PLXNA1: variants seen among roughly 807,000 people sequenced by gnomAD.
PLXNA1 encodes the protein plexin A1, also known as plexin-A1.
PLXNA1 carries 77 observed loss-of-function variants against 191.7 expected under a neutral mutation model. The ratio of observed to expected loss-of-function variants is 0.40; its 90% CI spans 0.33 to 0.49. The LOEUF (loss-of-function observed/expected upper bound fraction) is 0.49, where lower values mean the gene tolerates loss of function less well. Ranked by LOEUF, PLXNA1 falls within the 20% of genes least tolerant of loss-of-function variation. The pLI is 0.63. For missense variants in PLXNA1, 2,110 were observed against 2,660.2 expected (o/e 0.79, Z 4.55); for synonymous variants, 1,137 against 1,156.4 (o/e 0.98, Z 0.34).
chr3:127,033,309 G>A (rs1015114141), intron 31 of PLXNA1, among the ~76,000 whole-genome samples: 5 of 152,220 alleles, frequency 3.3e-5, no homozygotes, highest in African/African-American at 4.8e-5. Flanking sequence ...CTCCTGGGCC[G>A]CACAGGATGG....
intron 3 of PLXNA1, among the ~76,000 whole-genome samples, chr3:126,995,325 C>T (rs2079010098): frequency 6.6e-6 from 1 of 152,212 alleles, no homozygotes; most frequent in South Asian, 2.1e-4. Context: ...CCTCTGGGGA[C>T]CCCGGGCCAT....
rs542739966 is a variant in PLXNA1 at position 127,029,372 on chromosome 3, G to T, written c.4774-68G>T. ...AGGGTGTCACCGGGGTCCCCAGCCG[G>T]GGAGTGGGAGCCTGGTGGTGCAGGG... On this transcript the variant is annotated intron_variant, in intron 26 of 31. Coordinates refer to ENST00000393409, the MANE Select transcript of PLXNA1 (RefSeq NM_032242.4). 1.1e-5 allele frequency: 16 copies of T among 1,475,236 alleles called. No individual in the cohort carries two copies. In the South Asian group the frequency reaches 1.6e-4, roughly 15 times the overall value. The allele number at this position is 1,475,236 out of a possible 1,614,324, so 91.4% of individuals were successfully genotyped here. A position where few individuals can be genotyped will look rare whatever the true frequency, so the allele number is the denominator to read the frequency against.
Position 126,988,846 on chromosome 3 carries a change from G to A in PLXNA1, c.253G>A (p.Val85Ile), listed in dbSNP as rs1444396586. 6.2e-6 allele frequency: 10 copies of A among 1,613,310 alleles called. No homozygotes were observed. The East Asian group carries it at 6.7e-5, about 11-fold the overall frequency. Reference protein sequence around the residue: ...SGNLTLLRAHVTGPVEDNEKC... With the variant: ...SGNLTLLRAHITGPVEDNEKC... ...GAACCTGACACTGCTGCGGGCCCAC[G>A]TCACGGGCCCTGTGGAGGACAACGA... is the stretch of plus-strand genomic sequence containing the variant. The change falls in exon 2 of 32, where the codon GTC (valine) becomes ATC (isoleucine). Residue 85 changes from valine (V) to isoleucine (I), a missense_variant. This residue lies in a region of PLXNA1 where 903 missense variants were observed against 1,015.7 expected (regional missense o/e 0.89). Transcript: ENST00000393409.
At chr3:127,012,495 G>A (rs1472915289) in intron 10 of PLXNA1, among the ~76,000 whole-genome samples, 1 of 152,246 alleles carries the variant, frequency 6.6e-6, no homozygotes, top group Non-Finnish European at 1.5e-5. Flanking sequence ...CCCAGGCATG[G>A]GCTGATCATC....
In PLXNA1 at chr3:127,028,482, G is replaced by T. The variant is rs2079188341; in HGVS notation, c.4669+142G>T. 6 of 937,904 alleles carry T rather than the reference G, an allele frequency of 6.4e-6. No individual in the cohort carries two copies. In the East Asian group the frequency reaches 1.6e-4, roughly 25 times the overall value. 58.1% of individuals were successfully genotyped at this position (937,904 alleles called of 1,614,324 possible). The stretch of plus-strand genomic sequence containing the variant: ...TGGAGGGCAGTGGAATGGCGAGTGG[G>T]CTGTCCAGTCCCAGGTTGGGTATAG... On this transcript the variant is annotated intron_variant, in intron 25 of 31. Transcript: ENST00000393409.
rs549841697 is a variant in PLXNA1 at position 127,014,491 on chromosome 3, C to T, written c.2618C>T (p.Thr873Met). 36 of 1,603,946 alleles carry T rather than the reference C, an allele frequency of 2.2e-5. No homozygotes were observed. Among genetic ancestry groups the T allele is most frequent in the Admixed American group, 1.2e-4 (7 of 59,972 alleles). Residue 873 changes from threonine (T) to methionine (M), a missense_variant, in exon 13 of 32, where the codon ACG becomes ATG. This residue lies in a region of PLXNA1 where 644 missense variants were observed against 714.3 expected (regional missense o/e 0.90). Transcript: ENST00000393409. ...DPKILKLSPETGPRQGGTRLT... is the reference protein window; with the variant it reads ...DPKILKLSPEMGPRQGGTRLT... ...TGCCTCCCTCAGCTGTCCCCCGAGACGGGCCCGAGGCAGGGCGGCACGCGG... is the reference window on the plus strand; with the variant it reads ...TGCCTCCCTCAGCTGTCCCCCGAGATGGGCCCGAGGCAGGGCGGCACGCGG...
At position 127,036,936 on chromosome 3, in the gene PLXNA1, C is replaced by T. The variant is rs1189704905; in HGVS notation, c.*2919C>T. 1 of 152,294 alleles carries T rather than the reference C, an allele frequency of 6.6e-6. No individual in the cohort carries two copies. The highest frequency in any genetic ancestry group is 6.5e-5 in the Admixed American group (1 of 15,286). The allele number at this position is 152,294 out of a possible 1,614,324, so 9.4% of individuals were successfully genotyped here. ...ATATACCTCGAGCTTCCCCTGTGCT[C>T]CCCAGCCCCAGGACCACTGGCCCCT... On this transcript the variant is annotated 3_prime_UTR_variant, in exon 32 of 32. Transcript: ENST00000393409.
intron 3 of PLXNA1, among the ~76,000 whole-genome samples, chr3:127,001,654 C>T (rs2079041341): frequency 6.6e-6 from 1 of 152,272 alleles, no homozygotes; most frequent in Non-Finnish European, 1.5e-5. Flanking sequence ...TCCTGCCCTC[C>T]TCGCCTTCCT....
chr3:126,995,995 C>A (rs2079013316), intron 3 of PLXNA1, among the ~76,000 whole-genome samples: 2 of 152,200 alleles, frequency 1.3e-5, no homozygotes, highest in African/African-American at 4.8e-5. Flanking sequence ...CTGGCTGGCC[C>A]CTGTCCCTGT....
chr3:126,993,057 G>T (rs990192470), intron 3 of PLXNA1, among the ~76,000 whole-genome samples: 1 of 152,172 alleles, frequency 6.6e-6, no homozygotes, highest in Non-Finnish European at 1.5e-5. Context: ...GCCCTACCCT[G>T]TTCCTGCTGC....
chr3:126,992,729 C>G (rs1202289241), intron 3 of PLXNA1, among the ~76,000 whole-genome samples: 1 of 152,066 alleles, frequency 6.6e-6, no homozygotes, highest in Non-Finnish European at 1.5e-5. Context: ...TGGTTCTGCT[C>G]ATAGTGGCTA....
chr3:127,017,496 A>G lies in PLXNA1; in HGVS notation c.3348A>G (p.Pro1116=), dbSNP rs774050977. The stretch of plus-strand genomic sequence containing the variant: ...CTGTGGCCAACCCTGTGCGCAGCCC[A>G]CCAGAGCTGGGGGAGCGGCCGGATG... The part of the protein sequence containing the change: ...APSVANPVRS[P]PELGERPDEL... Residue 1116 remains proline (P), a synonymous_variant, in exon 18 of 32, where the codon CCA becomes CCG. Transcript: ENST00000393409. 6 of 1,613,576 alleles carry G rather than the reference A, an allele frequency of 3.7e-6. No homozygotes were observed. Among genetic ancestry groups the G allele is most frequent in the Non-Finnish European group, 5.1e-6 (6 of 1,180,006 alleles).
Position 127,014,726 on chromosome 3 carries a change from CG to C in PLXNA1, c.2776del (p.Asp926ThrfsTer34). The C allele has an allele frequency of 6.2e-7, 1 of 1,611,618 alleles. No homozygotes were observed. ...ISAEQIVCEI[G>X]DASSVRAHDA... ...CTGCCCACAGGATCGTCTGTGAGATCGGGGACGCCAGCTCCGTGCGTGCCCA... is the reference window on the plus strand; with the variant it reads ...CTGCCCACAGGATCGTCTGTGAGATCGGGACGCCAGCTCCGTGCGTGCCCA... On this transcript the variant is annotated frameshift_variant, in exon 14 of 32. Coordinates refer to ENST00000393409, the MANE Select transcript of PLXNA1 (RefSeq NM_032242.4). LOFTEE classifies it high-confidence loss of function.
chr3:127,012,395 G>T (rs1305734397), intron 10 of PLXNA1, among the ~76,000 whole-genome samples: 1 of 152,268 alleles, frequency 6.6e-6, no homozygotes, highest in East Asian at 1.9e-4. Flanking sequence ...TAGCTGCTGA[G>T]AGCACCCAGT....
intron 26 of PLXNA1, 53 bp from the exon 27 acceptor site, chr3:127,029,387 G>A: frequency 1.3e-6 from 2 of 1,554,368 alleles, no homozygotes. Context: ...TGGGAGCCTG[G>A]TGGTGCAGGG....
chr3:127,030,184 G>A, intron 28 of PLXNA1, 59 bp from the exon 29 acceptor site: 3 of 1,596,596 alleles, frequency 1.9e-6, no homozygotes, highest in Non-Finnish European at 2.6e-6. Flanking sequence ...TAGTCACCCA[G>A]GAGGTGTAGG....
At chr3:126,998,453 G>T (rs1002969323) in intron 3 of PLXNA1, among the ~76,000 whole-genome samples, 12 of 152,170 alleles carry the variant, frequency 7.9e-5, no homozygotes, top group African/African-American at 2.9e-4. Context: ...GTGACAGCCT[G>T]GCTGTGGCGG....
chr3:126,985,834 C>T (rs916198289), intron 1 of PLXNA1, among the ~76,000 whole-genome samples: 13 of 152,346 alleles, frequency 8.5e-5, no homozygotes, highest in African/African-American at 2.9e-4. Flanking sequence ...GTCTTATACC[C>T]CTAAGGTGGA....
rs557459671 is a variant in PLXNA1 at position 126,984,694 on chromosome 3, C to T, written c.-74+1407C>T. 7.9e-5 allele frequency among the ~76,000 whole-genome samples: 12 copies of T among 152,264 alleles called. No individual in the cohort carries two copies. The East Asian group carries it at 1.7e-3, about 22-fold the overall frequency. The stretch of plus-strand genomic sequence containing the variant: ...ATGGGCGGAGGCCTGGGTTTGTGGC[C>T]TCAGTGTGTGCTCTGGGGGTGGGGG... On this transcript the variant is annotated intron_variant, in intron 1 of 31. Transcript: ENST00000393409.
Sources: gnomAD v4.1 joint callset for allele counts (sites outside exome capture counted in the v4.1 genomes callset) on GRCh38, gnomAD v4.1.1 for gene constraint, gnomAD v4.1.1 regional missense constraint, MANE v1.5 for transcripts, NCBI Gene and HGNC (gene_info 2026-07-23, HGNC 2026-07-21) for gene names.